WAC: variants seen among roughly 807,000 people sequenced by gnomAD.
The protein encoded by WAC is WW domain-containing adapter protein with coiled-coil.
Under a neutral mutation model 79.6 loss-of-function variants are expected in WAC, and 11 were observed. The ratio of observed to expected loss-of-function variants is 0.14; its 90% CI spans 0.09 to 0.23. WAC has a LOEUF of 0.23. Among genes scored for constraint, WAC ranks in the 10% least tolerant of loss-of-function variants. The probability of loss-of-function intolerance (pLI) is 1.00; values close to 1 mark genes in which losing one functional copy is unlikely to be tolerated. For synonymous variants in WAC, 304 were observed against 276.9 expected (o/e 1.10, Z -0.97); for missense variants, 728 against 773.5 (o/e 0.94, Z 0.70).
chr10:28,551,245 GC>G (rs1286888703), intron 3 of WAC, among the ~76,000 whole-genome samples: 3 of 152,040 alleles, frequency 2.0e-5, no homozygotes, highest in African/African-American at 4.8e-5. Flanking sequence ...CTTGAGAATG[GC>G]TAATTGTTTT....
At chr10:28,565,466 G>A (rs1375055246) in intron 3 of WAC, among the ~76,000 whole-genome samples, 2 of 152,128 alleles carry the variant, frequency 1.3e-5, no homozygotes, top group Non-Finnish European at 2.9e-5. Flanking sequence ...TGGAACTCCT[G>A]GGCTCAAGCA....
At chr10:28,534,345 A>G (rs1426464444) in intron 2 of WAC, 3 of 345,330 alleles carry the variant, frequency 8.7e-6, no homozygotes, top group Non-Finnish European at 1.6e-5. Flanking sequence ...ATGAGATGAT[A>G]GGTGACTTAC....
chr10:28,565,477 A>G (rs1838551685), intron 3 of WAC, among the ~76,000 whole-genome samples: 1 of 152,148 alleles, frequency 6.6e-6, no homozygotes, highest in Non-Finnish European at 1.5e-5. Context: ...GGCTCAAGCA[A>G]TCCTCTTGCC....
chr10:28,570,020 A>G (rs1589170216), intron 3 of WAC, among the ~76,000 whole-genome samples: 2 of 152,316 alleles, frequency 1.3e-5, no homozygotes, highest in South Asian at 4.1e-4. Context: ...CCCAAAACAG[A>G]TGGAGTTTTA....
chr10:28,611,513 A>T, intron 9 of WAC: 1 of 1,376,110 alleles, frequency 7.3e-7, no homozygotes. Context: ...GATTAGGTTC[A>T]GGCCTAGCTT....
chr10:28,599,721 G>T (rs1290023932), intron 7 of WAC, among the ~76,000 whole-genome samples: 4 of 152,206 alleles, frequency 2.6e-5, no homozygotes, highest in African/African-American at 7.2e-5. Flanking sequence ...TTTTGTGCCT[G>T]CATGAGTAGT....
intron 3 of WAC, among the ~76,000 whole-genome samples, chr10:28,559,376 G>C (rs1838185390): frequency 1.3e-5 from 2 of 152,156 alleles, no homozygotes. Context: ...AGGCCTTATG[G>C]TGAGAGTGTT....
intron 7 of WAC, among the ~76,000 whole-genome samples, chr10:28,604,417 T>C (rs1370590434): frequency 1.3e-5 from 2 of 151,950 alleles, no homozygotes; most frequent in East Asian, 3.9e-4. Flanking sequence ...CGAGTCCTGT[T>C]TTCTACAAGG....
At chr10:28,572,519 A>T (rs1200415656) in intron 3 of WAC, among the ~76,000 whole-genome samples, 2 of 152,076 alleles carry the variant, frequency 1.3e-5, no homozygotes, top group Non-Finnish European at 2.9e-5. Flanking sequence ...GGATCTAAAA[A>T]TCTTACTCTT....
intron 3 of WAC, among the ~76,000 whole-genome samples, chr10:28,575,732 GA>G (rs1437841114): frequency 2.0e-5 from 3 of 152,180 alleles, no homozygotes; most frequent in Non-Finnish European, 2.9e-5. Context: ...AGTCTTACCA[GA>G]TGTATGATTA....
intron 11 of WAC, 163 bp downstream of exon 11, chr10:28,614,848 A>G (rs190848035): frequency 3.7e-6 from 2 of 539,718 alleles, no homozygotes. Flanking sequence ...ACCTGTATAC[A>G]AGAGGTAGGT....
At chr10:28,584,357 C>T (rs1237619734) in intron 4 of WAC, among the ~76,000 whole-genome samples, 2 of 152,048 alleles carry the variant, frequency 1.3e-5, no homozygotes, top group South Asian at 2.1e-4. Flanking sequence ...TAGTGTAGCA[C>T]GGTTAGAGAA....
intron 12 of WAC, 81 bp downstream of exon 12, chr10:28,616,443 A>T: frequency 8.8e-7 from 1 of 1,131,000 alleles, no homozygotes; most frequent in Non-Finnish European, 1.2e-6. Context: ...ATCTAATGTG[A>T]CCACTGAATT....
intron 3 of WAC, among the ~76,000 whole-genome samples, chr10:28,576,907 T>G (rs1839271375): frequency 6.6e-6 from 1 of 152,192 alleles, no homozygotes; most frequent in Non-Finnish European, 1.5e-5. Context: ...AATATTAATG[T>G]GATATTTTGC....
In WAC at chr10:28,547,915, C is replaced by CTT. The variant is rs11408560; in HGVS notation, c.274+12172_274+12173dup. ...ACATTTTAATTTTCTTTCTCTTTTT[C>CTT]TTTTTTTTTTTTTTTCTTCTTTGAG... On this transcript the variant is annotated intron_variant, in intron 3 of 13. Transcript: ENST00000354911. 5.9e-3 allele frequency among the ~76,000 whole-genome samples: 777 copies of CTT among 132,256 alleles called. 8 individuals are homozygous for CTT. The highest frequency in any genetic ancestry group is 8.2e-3 in the South Asian group (35 of 4,256). The allele number at this position is 132,256 out of a possible 152,430, so 86.8% of individuals were successfully genotyped here.
rs2132899940 is a variant in WAC at position 28,622,228 on chromosome 10, A to C, written c.*2622A>C. The C allele has an allele frequency of 6.6e-6, 1 of 152,270 alleles. No homozygotes were observed. The highest frequency in any genetic ancestry group is 1.5e-5 in the Non-Finnish European group (1 of 68,020). The allele number at this position is 152,270 out of a possible 1,614,324, so 9.4% of individuals were successfully genotyped here. Reference sequence around the variant, plus strand: ...TCTAAAATTTTGTGGAAATATTTTAAATATTGCACCTTAATACAAGGTATC... The same window carrying C: ...TCTAAAATTTTGTGGAAATATTTTACATATTGCACCTTAATACAAGGTATC... On this transcript the variant is annotated 3_prime_UTR_variant, in exon 14 of 14. Transcript: ENST00000354911.
intron 3 of WAC, among the ~76,000 whole-genome samples, chr10:28,572,257 A>G (rs1378311044): frequency 6.6e-6 from 1 of 151,342 alleles, no homozygotes; most frequent in Non-Finnish European, 1.5e-5. Context: ...GAATTGCTTG[A>G]ACCTGGGCAG....
intron 7 of WAC, among the ~76,000 whole-genome samples, chr10:28,601,220 G>T (rs1308221222): frequency 1.3e-5 from 2 of 152,096 alleles, no homozygotes; most frequent in Non-Finnish European, 2.9e-5. Flanking sequence ...GCTTAACCAT[G>T]TAAAACAACA....
intron 3 of WAC, among the ~76,000 whole-genome samples, chr10:28,576,570 A>T (rs1455114903): frequency 6.6e-6 from 1 of 152,198 alleles, no homozygotes; most frequent in African/African-American, 2.4e-5. Context: ...TGTAAAAAAG[A>T]ATTAAGTTTT....
Sources: gnomAD v4.1 joint callset for allele counts (sites outside exome capture counted in the v4.1 genomes callset) on GRCh38, gnomAD v4.1.1 for gene constraint, MANE v1.5 for transcripts, NCBI Gene and HGNC (gene_info 2026-07-23, HGNC 2026-07-21) for gene names.